The following COA6 variants were observed in gnomAD, a reference collection of about 807,000 sequenced individuals.
The protein encoded by COA6 is cytochrome c oxidase assembly factor 6, also known as cytochrome c oxidase assembly factor 6 homolog.
In COA6, 12 loss-of-function variants were observed where a neutral mutation model predicts 17.1. That is an observed-to-expected ratio of 0.70 (90% CI 0.45 to 1.14). The LOEUF (loss-of-function observed/expected upper bound fraction) is 1.14. Among genes scored for constraint, COA6 ranks in the 50% most tolerant of loss-of-function variants. COA6 has a pLI of 0.00. For missense variants in COA6, 246 were observed against 196.5 expected (o/e 1.25, Z -1.51); for synonymous variants, 90 against 73.4 (o/e 1.23, Z -1.16).
At chr1:234,374,139 G>A in intron 1 of COA6, 91 bp from the exon 2 acceptor site, 2 of 1,044,830 alleles carry the variant, frequency 1.9e-6, no homozygotes, top group South Asian at 1.7e-5. Flanking sequence ...TAGTTTTAAA[G>A]GAAGAGGAGA....
intron 2 of COA6, among the ~76,000 whole-genome samples, chr1:234,382,673 T>C (rs1659009105): frequency 6.6e-6 from 1 of 152,154 alleles, no homozygotes; most frequent in Admixed American, 6.5e-5. Context: ...AAAGAACTAG[T>C]GTTTTCTGGT....
At chr1:234,382,465 G>A (rs1470570368) in intron 2 of COA6, among the ~76,000 whole-genome samples, 2 of 152,148 alleles carry the variant, frequency 1.3e-5, no homozygotes, top group African/African-American at 2.4e-5. Context: ...CTCAAATAAC[G>A]GATCTATTAG....
Position 234,374,411 on chromosome 1 carries a change from T to G in COA6, c.372+22T>G, listed in dbSNP as rs777336110. On this transcript the variant is annotated intron_variant, in intron 2 of 2. Coordinates refer to ENST00000366615, the MANE Select transcript of COA6 (RefSeq NM_001206641.3). ...GTGGGTAAGTCACACTTTGATGTGTTTCTCTTCCCTGTTAAGATACATCGA... is the reference window on the plus strand; with the variant it reads ...GTGGGTAAGTCACACTTTGATGTGTGTCTCTTCCCTGTTAAGATACATCGA... 5 of 1,612,814 alleles carry G rather than the reference T, an allele frequency of 3.1e-6. No homozygotes were observed. In the African/African-American group the frequency reaches 6.7e-5, roughly 22 times the overall value.
rs1232716734 is a variant in COA6 at position 234,384,770 on chromosome 1, A to AAAAT, written c.*955_*958dup. Among the ~76,000 whole-genome samples, 1 of 152,196 alleles carries AAAAT rather than the reference A, an allele frequency of 6.6e-6. No homozygotes were observed. The highest frequency in any genetic ancestry group is 2.4e-5 in the African/African-American group (1 of 41,454). On this transcript the variant is annotated 3_prime_UTR_variant, in exon 3 of 3. Coordinates refer to ENST00000366615, the MANE Select transcript of COA6 (RefSeq NM_001206641.3). ...TTTTTGGGAAAAGGAAAAACGAGTA[A>AAAAT]AAATAATAAAAATTTAAAAATCCAG...
intron 2 of COA6, among the ~76,000 whole-genome samples, chr1:234,382,899 T>G (rs1171093797): frequency 4.6e-5 from 7 of 151,912 alleles, no homozygotes; most frequent in Admixed American, 6.6e-5. Flanking sequence ...TGCAGCTACT[T>G]GGGAGGCTGA....
rs537066023 is a variant in COA6, at chr1:234,373,623, G to C, written c.157G>C (p.Val53Leu). The C allele has an allele frequency of 1.2e-4, 199 of 1,613,200 alleles. 1 individual carries two copies. In the African/African-American group the frequency reaches 2.4e-3, roughly 19 times the overall value. ...CCTCCACCGCCGGTTGGTGGCCTGC[G>C]TGACAGTTTCCTCCCGTCGACATCG... ...RALHRRLVAC[V>L]TVSSRRHRKE... The change falls in exon 1 of 3, where the codon GTG becomes CTG. Residue 53 changes from valine to leucine, a missense_variant. Transcript: ENST00000366615.
rs544573765 is a variant in COA6, at chr1:234,383,854, A to G, written c.*36A>G. On this transcript the variant is annotated 3_prime_UTR_variant, in exon 3 of 3. Transcript: ENST00000366615. ...AAGATTGAAAGTATTCTTTCTGGAC[A>G]TTGAAAAAGCTCCACTGACTATGGA... 10 of 1,088,554 alleles carry G rather than the reference A, an allele frequency of 9.2e-6. No individual in the cohort carries two copies. The highest frequency in any genetic ancestry group is 1.6e-5 in the African/African-American group (1 of 63,376). 67.4% of individuals were successfully genotyped at this position (1,088,554 alleles called of 1,614,324 possible).
At position 234,374,403 on chromosome 1, in the gene COA6, T is replaced by G. The variant is rs1195246777; in HGVS notation, c.372+14T>G. The G allele has an allele frequency of 6.2e-7, 1 of 1,613,602 alleles. No homozygotes were observed. The highest frequency in any genetic ancestry group is 8.5e-7 in the Non-Finnish European group (1 of 1,179,740). ...CCCCAACAGTGGGTAAGTCACACTT[T>G]GATGTGTTTCTCTTCCCTGTTAAGA... On this transcript the variant is annotated intron_variant, in intron 2 of 2. Coordinates refer to ENST00000366615, the MANE Select transcript of COA6 (RefSeq NM_001206641.3).
chr1:234,384,028 A>C lies in COA6; in HGVS notation c.*210A>C. 2.4e-6 allele frequency: 1 copy of C among 423,998 alleles called. No individual in the cohort carries two copies. Among genetic ancestry groups the C allele is most frequent in the East Asian group, 3.7e-5 (1 of 26,936 alleles). 26.3% of individuals were successfully genotyped at this position (423,998 alleles called of 1,614,324 possible). A position where few individuals can be genotyped will look rare whatever the true frequency, so the allele number is the denominator to read the frequency against. The stretch of plus-strand genomic sequence containing the variant: ...AATCTCTATTTTAAGAAAAAAAGTA[A>C]AACCTGTTATAAACACATGCACTTT... On this transcript the variant is annotated 3_prime_UTR_variant, in exon 3 of 3. Transcript: ENST00000366615.
chr1:234,381,411 G>A (rs1025465654), intron 2 of COA6, among the ~76,000 whole-genome samples: 6 of 152,184 alleles, frequency 3.9e-5, no homozygotes, highest in African/African-American at 7.2e-5. Context: ...GAATCAAGAC[G>A]CGCAGGAAAT....
rs1558126758 is a variant in COA6, at chr1:234,383,041, AGGGAGGG to A, written c.373-681_373-675del. On this transcript the variant is annotated intron_variant, in intron 2 of 2. Transcript: ENST00000366615. ...AGAGAGAGAGAGAGAGAAGGAAGGG[AGGGAGGG>A]AGGGAGGGAGGGAGGGAGGGAAGGG... Among the ~76,000 whole-genome samples the A allele has an allele frequency of 3.5e-3, 42 of 11,850 alleles. 1 individual carries two copies. The highest frequency in any genetic ancestry group is 0.013 in the African/African-American group (35 of 2,758). The allele number at this position is 11,850 out of a possible 152,430, so 7.8% of individuals were successfully genotyped here. A position where few individuals can be genotyped will look rare whatever the true frequency, so the allele number is the denominator to read the frequency against.
rs1659070939 is a variant in COA6, at chr1:234,384,414, C to A, written c.*596C>A. 6.6e-6 allele frequency among the ~76,000 whole-genome samples: 1 copy of A among 152,086 alleles called. No individual in the cohort carries two copies. The highest frequency in any genetic ancestry group is 6.6e-5 in the Admixed American group (1 of 15,266). On this transcript the variant is annotated 3_prime_UTR_variant, in exon 3 of 3. Coordinates refer to ENST00000366615, the MANE Select transcript of COA6 (RefSeq NM_001206641.3). The stretch of plus-strand genomic sequence containing the variant: ...TCTACTCACATATAATAAATACTAT[C>A]TTATAGAATGTACCAATGGATGCAC...
intron 2 of COA6, among the ~76,000 whole-genome samples, chr1:234,375,779 G>C (rs1658773880): frequency 6.6e-6 from 1 of 152,150 alleles, no homozygotes; most frequent in Non-Finnish European, 1.5e-5. Context: ...TAAACCTCCT[G>C]AGAAGCTGGC....
At position 234,374,389 on chromosome 1, in the gene COA6, G is replaced by C. The variant is rs2103015379; in HGVS notation, c.372G>C (p.Trp124Cys). Residue 124 changes from tryptophan to cysteine, a missense_variant and splice_region_variant, in exon 2 of 3, where the codon TGG becomes TGC. Coordinates refer to ENST00000366615, the MANE Select transcript of COA6 (RefSeq NM_001206641.3). Reference protein sequence around the residue: ...SSFESSCPQQWIKYFDKRRDY... With the variant: ...SSFESSCPQQCIKYFDKRRDY... Reference sequence around the variant, plus strand: ...TCGAATCAAGTTGTCCCCAACAGTGGGTAAGTCACACTTTGATGTGTTTCT... The same window carrying C: ...TCGAATCAAGTTGTCCCCAACAGTGCGTAAGTCACACTTTGATGTGTTTCT... 6.2e-7 allele frequency: 1 copy of C among 1,613,692 alleles called. No homozygotes were observed. The highest frequency in any genetic ancestry group is 2.2e-5 in the East Asian group (1 of 44,878).
At chr1:234,381,426 A>G (rs776204906) in intron 2 of COA6, among the ~76,000 whole-genome samples, 5 of 152,342 alleles carry the variant, frequency 3.3e-5, no homozygotes, top group East Asian at 1.9e-4. Context: ...GGAAATGAGC[A>G]TGGGGTAGCT....
Position 234,383,032 on chromosome 1 carries a change from AAG to A in COA6, c.373-690_373-689del, listed in dbSNP as rs568145171. On this transcript the variant is annotated intron_variant, in intron 2 of 2. Transcript: ENST00000366615. ...AAGAAAGAAAGAGAGAGAGAGAGAGAAGGAAGGGAGGGAGGGAGGGAGGGAGG... is the reference window on the plus strand; with the variant it reads ...AAGAAAGAAAGAGAGAGAGAGAGAGAGAAGGGAGGGAGGGAGGGAGGGAGG... 3.1e-3 allele frequency among the ~76,000 whole-genome samples: 182 copies of A among 58,780 alleles called. 9 individuals carry two copies. The highest frequency in any genetic ancestry group is 0.01 in the African/African-American group (143 of 13,634). The allele number at this position is 58,780 out of a possible 152,430, so 38.6% of individuals were successfully genotyped here.
chr1:234,382,221 G>A (rs191251347), intron 2 of COA6, among the ~76,000 whole-genome samples: 111 of 152,324 alleles, frequency 7.3e-4, no homozygotes, highest in African/African-American at 2.6e-3. Flanking sequence ...AAGTGGACCA[G>A]GGTTTTCTTT....
At chr1:234,380,861 G>A (rs1297091138) in intron 2 of COA6, among the ~76,000 whole-genome samples, 2 of 152,160 alleles carry the variant, frequency 1.3e-5, no homozygotes, top group African/African-American at 2.4e-5. Flanking sequence ...TTAGCCAGGC[G>A]CGGTGGCACG....
chr1:234,382,446 C>A (rs2103019143), intron 2 of COA6, among the ~76,000 whole-genome samples: 1 of 152,310 alleles, frequency 6.6e-6, no homozygotes, highest in Non-Finnish European at 1.5e-5. Context: ...AATAAGAAAG[C>A]AGTAATCACT....
Sources: gnomAD v4.1 joint callset for allele counts (sites outside exome capture counted in the v4.1 genomes callset) on GRCh38, gnomAD v4.1.1 for gene constraint, MANE v1.5 for transcripts, NCBI Gene and HGNC (gene_info 2026-07-23, HGNC 2026-07-21) for gene names.